Variants in DNAJC24 observed in about 807,000 individuals in gnomAD.
The protein encoded by DNAJC24 is dnaJ homolog subfamily C member 24.
Under a neutral mutation model 18.0 loss-of-function variants are expected in DNAJC24, and 17 were observed. The ratio of observed to expected loss-of-function variants is 0.94; its 90% CI spans 0.65 to 1.42. The LOEUF is 1.42. DNAJC24 is among the 40% of genes most tolerant of loss of function. The pLI is 0.00. For missense variants in DNAJC24, 158 were observed against 175.6 expected, an observed-to-expected ratio of 0.90 and a Z score of 0.57; for synonymous variants, 55 against 57.7, an observed-to-expected ratio of 0.95 and a Z score of 0.21.
rs143918464 is a variant in DNAJC24, at chr11:31,391,003, C to T, written c.111+20144C>T. ...AAACCAGATTCAAAAGATCATTCTTCGTGACCAAGTGGGATTTATCCCTCG... is the reference window on the plus strand; with the variant it reads ...AAACCAGATTCAAAAGATCATTCTTTGTGACCAAGTGGGATTTATCCCTCG... On this transcript the variant is annotated intron_variant, in intron 2 of 4. Coordinates refer to ENST00000465995, the MANE Select transcript of DNAJC24 (RefSeq NM_181706.5). Among the ~76,000 whole-genome samples the T allele has an allele frequency of 9.9e-5, 15 of 152,242 alleles. No homozygotes were observed. In the East Asian group the frequency reaches 1.5e-3, roughly 16 times the overall value.
At chr11:31,422,626 A>G (rs1564958367) in intron 3 of DNAJC24, among the ~76,000 whole-genome samples, 1 of 152,190 alleles carries the variant, frequency 6.6e-6, no homozygotes, top group Non-Finnish European at 1.5e-5. Context: ...AAAATATGCA[A>G]TACTACAAAA....
At chr11:31,398,218 CT>C (rs1398447880) in intron 2 of DNAJC24, among the ~76,000 whole-genome samples, 16 of 149,116 alleles carry the variant, frequency 1.1e-4, no homozygotes, top group Middle Eastern at 3.5e-3. Flanking sequence ...TTCTTTTACT[CT>C]TTTTTTTTTC....
intron 2 of DNAJC24, among the ~76,000 whole-genome samples, chr11:31,403,778 G>A (rs1334151642): frequency 2.0e-5 from 3 of 152,170 alleles, no homozygotes; most frequent in Non-Finnish European, 2.9e-5. Context: ...GTTTCCCTGG[G>A]TGTTACAGGA....
intron 3 of DNAJC24, chr11:31,416,631 A>C (rs190581553): frequency 6.6e-6 from 1 of 152,258 alleles, no homozygotes; most frequent in Admixed American, 6.5e-5. Flanking sequence ...CAGCCTGTGT[A>C]CTATTAAGAA....
chr11:31,380,208 A>G (rs1412827149), intron 2 of DNAJC24, among the ~76,000 whole-genome samples: 1 of 152,266 alleles, frequency 6.6e-6, no homozygotes, highest in Non-Finnish European at 1.5e-5. Flanking sequence ...CAGAAACTGA[A>G]AGAATCTAGC....
At chr11:31,374,213 T>A in intron 2 of DNAJC24, 1 of 307,924 alleles carries the variant, frequency 3.2e-6, no homozygotes, top group South Asian at 2.7e-5. Flanking sequence ...CCAGTAAGTA[T>A]GCTGTTAGGT....
intron 2 of DNAJC24, among the ~76,000 whole-genome samples, chr11:31,403,499 G>A (rs986081422): frequency 2.0e-5 from 3 of 152,186 alleles, no homozygotes; most frequent in African/African-American, 7.2e-5. Flanking sequence ...CAAAATCATA[G>A]GTGGATTCAA....
chr11:31,381,309 A>G (rs1310821388), intron 2 of DNAJC24, among the ~76,000 whole-genome samples: 5 of 152,046 alleles, frequency 3.3e-5, no homozygotes, highest in Non-Finnish European at 5.9e-5. Context: ...TTTGTATTAC[A>G]TATCTGTGCT....
chr11:31,431,989 T>C lies in DNAJC24; in HGVS notation c.*1588T>C, dbSNP rs1184916450. The C allele has an allele frequency of 1.3e-5, 2 of 152,986 alleles. No homozygotes were observed. The highest frequency in any genetic ancestry group is 4.8e-5 in the African/African-American group (2 of 41,450). 9.5% of individuals were successfully genotyped at this position (152,986 alleles called of 1,614,324 possible). A position where few individuals can be genotyped will look rare whatever the true frequency, so the allele number is the denominator to read the frequency against. On this transcript the variant is annotated 3_prime_UTR_variant, in exon 5 of 5. Coordinates refer to ENST00000465995, the MANE Select transcript of DNAJC24 (RefSeq NM_181706.5). ...TGCATTTTTCTATGTATTTAATATT[T>C]TGTGTACAGTAAAAGTCAGAACTCA...
intron 2 of DNAJC24, among the ~76,000 whole-genome samples, chr11:31,377,327 G>C (rs920681684): frequency 2.0e-5 from 3 of 151,866 alleles, no homozygotes; most frequent in African/African-American, 7.2e-5. Context: ...TCCTGATTCT[G>C]AAAAAATTCT....
chr11:31,408,692 A>G (rs1435063562), intron 2 of DNAJC24, among the ~76,000 whole-genome samples: 1 of 152,160 alleles, frequency 6.6e-6, no homozygotes, highest in Non-Finnish European at 1.5e-5. Context: ...TTATTTTTGT[A>G]TCAAGAAAGT....
In DNAJC24 at chr11:31,407,015, G is replaced by C. The variant is rs369812525; in HGVS notation, c.112-7796G>C. On this transcript the variant is annotated intron_variant, in intron 2 of 4. Coordinates refer to ENST00000465995, the MANE Select transcript of DNAJC24 (RefSeq NM_181706.5). ...ATTGGATATCAAACATATTAAACTTGTGCTGACAAGGTAGCTTCTAGAAAG... is the reference window on the plus strand; with the variant it reads ...ATTGGATATCAAACATATTAAACTTCTGCTGACAAGGTAGCTTCTAGAAAG... Among the ~76,000 whole-genome samples, 10 of 152,220 alleles carry C rather than the reference G, an allele frequency of 6.6e-5. No individual in the cohort carries two copies. The East Asian group carries it at 1.4e-3, about 21-fold the overall frequency.
chr11:31,432,391 C>A lies in DNAJC24; in HGVS notation c.*1990C>A. 1 of 720,688 alleles carries A rather than the reference C, an allele frequency of 1.4e-6. No homozygotes were observed. The highest frequency in any genetic ancestry group is 2.6e-5 in the Admixed American group (1 of 39,050). 44.6% of individuals were successfully genotyped at this position (720,688 alleles called of 1,614,324 possible). On this transcript the variant is annotated 3_prime_UTR_variant, in exon 5 of 5. Coordinates refer to ENST00000465995, the MANE Select transcript of DNAJC24 (RefSeq NM_181706.5). Reference sequence around the variant, plus strand: ...ATTCTTTACATTTAACAATTAAAAACAACTAAAACTGAATAGCAAATAGTT... The same window carrying A: ...ATTCTTTACATTTAACAATTAAAAAAAACTAAAACTGAATAGCAAATAGTT...
At chr11:31,375,037 G>T (rs1952299759) in intron 2 of DNAJC24, among the ~76,000 whole-genome samples, 1 of 134,290 alleles carries the variant, frequency 7.4e-6, no homozygotes, top group African/African-American at 2.5e-5. Context: ...GTGTGAGCCA[G>T]TTGCTGTGGT....
intron 2 of DNAJC24, among the ~76,000 whole-genome samples, chr11:31,394,420 T>A (rs1952526164): frequency 6.6e-6 from 1 of 152,160 alleles, no homozygotes; most frequent in Non-Finnish European, 1.5e-5. Context: ...AAATAAATTT[T>A]AGGAAGTAGA....
chr11:31,413,811 A>G (rs773071373), intron 2 of DNAJC24, among the ~76,000 whole-genome samples: 1 of 152,174 alleles, frequency 6.6e-6, no homozygotes, highest in Non-Finnish European at 1.5e-5. Context: ...ACATATCTGA[A>G]TATGTGCTAT....
chr11:31,391,071 C>T (rs911135763), intron 2 of DNAJC24, among the ~76,000 whole-genome samples: 1 of 152,096 alleles, frequency 6.6e-6, no homozygotes, highest in African/African-American at 2.4e-5. Context: ...TCAATGTGAT[C>T]CATCTTATCA....
At chr11:31,387,167 G>A (rs974029332) in intron 2 of DNAJC24, among the ~76,000 whole-genome samples, 1 of 152,294 alleles carries the variant, frequency 6.6e-6, no homozygotes, top group East Asian at 1.9e-4. Context: ...AGGGCCAGGG[G>A]GATCTTACTG....
Position 31,430,575 on chromosome 11 carries a change from A to T in DNAJC24, c.*174A>T, listed in dbSNP as rs910296496. 7 of 321,486 alleles carry T rather than the reference A, an allele frequency of 2.2e-5. No homozygotes were observed. Among genetic ancestry groups the T allele is most frequent in the African/African-American group, 1.3e-4 (6 of 46,330 alleles). 19.9% of individuals were successfully genotyped at this position (321,486 alleles called of 1,614,324 possible). Reference sequence around the variant, plus strand: ...TAATAGAGAATGAATATAATTATTTATTTGTATTTATAATTTATATTTACA... The same window carrying T: ...TAATAGAGAATGAATATAATTATTTTTTTGTATTTATAATTTATATTTACA... On this transcript the variant is annotated 3_prime_UTR_variant, in exon 5 of 5. Coordinates refer to ENST00000465995, the MANE Select transcript of DNAJC24 (RefSeq NM_181706.5).
Sources: gnomAD v4.1 joint callset for allele counts (sites outside exome capture counted in the v4.1 genomes callset) on GRCh38, gnomAD v4.1.1 for gene constraint, MANE v1.5 for transcripts, NCBI Gene and HGNC (gene_info 2026-07-23, HGNC 2026-07-21) for gene names.